Variants in PGAP3 observed in about 807,000 individuals in gnomAD.
PGAP3 encodes GPI-specific phospholipase A2-like PGAP3.
Under a neutral mutation model 40.3 loss-of-function variants are expected in PGAP3, and 31 were observed. That is an observed-to-expected ratio of 0.77 (90% CI 0.58 to 1.04). The LOEUF (loss-of-function observed/expected upper bound fraction) is 1.04, where lower values mean the gene tolerates loss of function less well. Ranked by LOEUF, PGAP3 falls within the 50% of genes least tolerant of loss-of-function variation. The probability of loss-of-function intolerance (pLI) is 0.00; values close to 1 mark genes in which losing one functional copy is unlikely to be tolerated. For missense variants in PGAP3, 413 were observed against 423.0 expected (o/e 0.98, Z 0.21); for synonymous variants, 191 against 184.5 (o/e 1.04, Z -0.29).
chr17:39,684,422 G>C (rs528990639), intron 3 of PGAP3, among the ~76,000 whole-genome samples, 175 bp downstream of exon 3: 73 of 152,292 alleles, frequency 4.8e-4, no homozygotes, highest in African/African-American at 1.7e-3. Context: ...GGTAAGGCCC[G>C]ATTCAGCACC....
chr17:39,688,032 C>T lies in PGAP3; in HGVS notation c.-18G>A. The T allele has an allele frequency of 7.3e-7, 1 of 1,376,198 alleles. No individual in the cohort carries two copies. The highest frequency in any genetic ancestry group is 9.5e-7 in the Non-Finnish European group (1 of 1,048,604). 85.2% of individuals were successfully genotyped at this position (1,376,198 alleles called of 1,614,324 possible). A position where few individuals can be genotyped will look rare whatever the true frequency, so the allele number is the denominator to read the frequency against. ...CCGGCCATCCTTTCTCCCTGGCTCG[C>T]CGCCGGGGGAGGAGCTTAGGAGTAT... On this transcript the variant is annotated 5_prime_UTR_variant, in exon 1 of 8. Coordinates refer to ENST00000300658, the MANE Select transcript of PGAP3 (RefSeq NM_033419.5).
chr17:39,677,581 G>A (rs1022657444), intron 3 of PGAP3, among the ~76,000 whole-genome samples: 4 of 152,114 alleles, frequency 2.6e-5, no homozygotes, highest in Non-Finnish European at 5.9e-5. Context: ...GGCTACTCTC[G>A]GACTCCTTGC....
Position 39,672,501 on chromosome 17 carries a change from A to C in PGAP3, c.*302T>G, listed in dbSNP as rs988957162. The C allele has an allele frequency of 2.3e-6, 1 of 441,248 alleles. No homozygotes were observed. Among genetic ancestry groups the C allele is most frequent in the Non-Finnish European group, 4.1e-6 (1 of 241,916 alleles). The allele number at this position is 441,248 out of a possible 1,614,324, so 27.3% of individuals were successfully genotyped here. A position where few individuals can be genotyped will look rare whatever the true frequency, so the allele number is the denominator to read the frequency against. On this transcript the variant is annotated 3_prime_UTR_variant, in exon 8 of 8. Coordinates refer to ENST00000300658, the MANE Select transcript of PGAP3 (RefSeq NM_033419.5). ...TGTGGGGAGGAGGCTGATGGGGAGG[A>C]AACAGGCAGCTGTCCTCCCGGTAGA...
chr17:39,676,269 C>T (rs1008552085), intron 3 of PGAP3, among the ~76,000 whole-genome samples: 10 of 152,156 alleles, frequency 6.6e-5, no homozygotes, highest in Non-Finnish European at 1.0e-4. Context: ...CAGGGACATC[C>T]TTAGGGAGGA....
In PGAP3 at chr17:39,686,001, T is replaced by C. The variant is rs141817321; in HGVS notation, c.200A>G (p.Asp67Gly). The change falls in exon 2 of 8, where the codon GAC (aspartate) becomes GGC (glycine). Residue 67 changes from aspartate to glycine, a missense_variant. Coordinates refer to ENST00000300658, the MANE Select transcript of PGAP3 (RefSeq NM_033419.5). Reference protein sequence around the residue: ...MSLAGWTCRDDCKYECMWVTV... With the variant: ...MSLAGWTCRDGCKYECMWVTV... ...GACCCACATACACTCATACTTACAG[T>C]CGTCCCGACAGGTCCAGCCTGAAAC... 4.4e-4 allele frequency: 711 copies of C among 1,612,850 alleles called. 1 individual carries two copies. The highest frequency in any genetic ancestry group is 5.2e-4 in the Non-Finnish European group (612 of 1,179,290).
chr17:39,675,119 G>A (rs1013660630), intron 3 of PGAP3, among the ~76,000 whole-genome samples: 44 of 151,912 alleles, frequency 2.9e-4, no homozygotes, highest in African/African-American at 8.4e-4. Context: ...GGAGGGGCTC[G>A]AGCCAGCTTG....
intron 3 of PGAP3, among the ~76,000 whole-genome samples, chr17:39,677,843 G>A (rs141378339): frequency 6.6e-6 from 1 of 152,252 alleles, no homozygotes; most frequent in African/African-American, 2.4e-5. Context: ...GATCTGTCAG[G>A]AATTCGACCC....
chr17:39,673,414 G>C (rs2057335233), intron 6 of PGAP3, 100 bp downstream of exon 6: 7 of 1,574,394 alleles, frequency 4.4e-6, no homozygotes, highest in Non-Finnish European at 6.1e-6. Context: ...TCTACCCCAA[G>C]AGTCTCTCTA....
At chr17:39,676,041 A>G (rs1456383953) in intron 3 of PGAP3, among the ~76,000 whole-genome samples, 1 of 152,052 alleles carries the variant, frequency 6.6e-6, no homozygotes, top group Non-Finnish European at 1.5e-5. Flanking sequence ...GAGGATGGCC[A>G]CTCTGTCCCT....
rs60959390 is a variant in PGAP3 at position 39,682,225 on chromosome 17, CAAAAAAAAAAAAAAAAAA to C, written c.432+2354_432+2371del. Among the ~76,000 whole-genome samples the C allele has an allele frequency of 9.6e-4, 22 of 22,832 alleles. No individual in the cohort carries two copies. The South Asian group carries it at 0.017, about 17-fold the overall frequency. 15.0% of individuals were successfully genotyped at this position (22,832 alleles called of 152,430 possible). A position where few individuals can be genotyped will look rare whatever the true frequency, so the allele number is the denominator to read the frequency against. ...TGGGTGACAGAGTGAGACTCTGTCT[CAAAAAAAAAAAAAAAAAA>C]AAAAAAAAAAAAAAAAAATCTGATG... On this transcript the variant is annotated intron_variant, in intron 3 of 7. Transcript: ENST00000300658.
chr17:39,675,251 A>G (rs547115779), intron 3 of PGAP3, among the ~76,000 whole-genome samples: 133 of 152,070 alleles, frequency 8.7e-4, no homozygotes, highest in Admixed American at 2.7e-3. Context: ...CCGCCAGACC[A>G]GTGGCTGCTC....
At chr17:39,682,374 C>T (rs772107838) in intron 3 of PGAP3, among the ~76,000 whole-genome samples, 11 of 150,998 alleles carry the variant, frequency 7.3e-5, no homozygotes, top group Admixed American at 1.3e-4. Flanking sequence ...TTTTGTAGAA[C>T]GGAGGCTGCA....
In PGAP3 at chr17:39,687,882, C is replaced by T. The variant is rs952827079; in HGVS notation, c.133G>A (p.Ala45Thr). 4 of 1,503,274 alleles carry T rather than the reference C, an allele frequency of 2.7e-6. No homozygotes were observed. The highest frequency in any genetic ancestry group is 4.0e-5 in the Admixed American group (2 of 49,806). 93.1% of individuals were successfully genotyped at this position (1,503,274 alleles called of 1,614,324 possible). Reference protein sequence around the residue: ...QCEEQNCSGGALNHFRSRQPI... With the variant: ...QCEEQNCSGGTLNHFRSRQPI... ...TGGCGGGAGCGGAAGTGATTCAGAG[C>T]GCCCCCAGAGCAGTTCTGCTCTTCG... Residue 45 changes from alanine to threonine, a missense_variant, in exon 1 of 8, where the codon GCT (alanine) becomes ACT (threonine). By Grantham distance (58) the Ala-to-Thr change is moderately conservative (BLOSUM62 0). Coordinates refer to ENST00000300658, the MANE Select transcript of PGAP3 (RefSeq NM_033419.5).
intron 2 of PGAP3, 38 bp downstream of exon 2, chr17:39,685,884 C>T (rs775451415): frequency 2.7e-5 from 43 of 1,571,738 alleles, no homozygotes; most frequent in East Asian, 2.7e-4. Context: ...ACTCCTACCA[C>T]GCTACTACCA....
chr17:39,687,727 G>A, intron 1 of PGAP3, 107 bp downstream of exon 1: 1 of 884,332 alleles, frequency 1.1e-6, no homozygotes, highest in Non-Finnish European at 1.5e-6. Flanking sequence ...ACATTCATAA[G>A]AGACCTCGTG....
intron 1 of PGAP3, 50 bp from the exon 2 acceptor site, chr17:39,686,069 G>A: frequency 6.5e-7 from 1 of 1,533,338 alleles, no homozygotes; most frequent in Non-Finnish European, 9.0e-7. Flanking sequence ...AGAGAGGAAA[G>A]AGAGAGCATG....
At chr17:39,686,189 G>A (rs1477018089) in intron 1 of PGAP3, among the ~76,000 whole-genome samples, 170 bp from the exon 2 acceptor site, 4 of 152,194 alleles carry the variant, frequency 2.6e-5, no homozygotes, top group Non-Finnish European at 5.9e-5. Context: ...ATGATGAGAT[G>A]TACACATAGG....
chr17:39,683,516 A>T (rs1375796901), intron 3 of PGAP3, among the ~76,000 whole-genome samples: 1 of 152,214 alleles, frequency 6.6e-6, no homozygotes, highest in African/African-American at 2.4e-5. Flanking sequence ...CTGGATCTCC[A>T]GCAAAGTGCC....
chr17:39,684,818 T>G, intron 2 of PGAP3, 69 bp from the exon 3 acceptor site: 1 of 1,466,876 alleles, frequency 6.8e-7, no homozygotes. Context: ...CCACCTATTC[T>G]TGACATGCTG....
Sources: allele counts gnomAD v4.1 joint callset (sites outside exome capture counted in the v4.1 genomes callset), GRCh38; gene constraint gnomAD v4.1.1; transcripts MANE v1.5; gene names NCBI Gene and HGNC (gene_info 2026-07-23, HGNC 2026-07-21).